MAB21L3: variants seen among roughly 807,000 people sequenced by gnomAD.
MAB21L3 encodes mab-21 like 3.
A neutral mutation model predicts 37.7 loss-of-function variants in MAB21L3; 36 were observed. That is an observed-to-expected ratio of 0.96 (90% CI 0.73 to 1.26). The LOEUF (loss-of-function observed/expected upper bound fraction) is 1.26. Ranked by LOEUF, MAB21L3 falls within the 50% of genes most tolerant of loss-of-function variation. The pLI, the probability that MAB21L3 is intolerant of heterozygous loss-of-function variation, is 0.00. For synonymous variants in MAB21L3, 186 were observed against 176.8 expected, an observed-to-expected ratio of 1.05 and a Z score of -0.41; for missense variants, 430 against 447.3, an observed-to-expected ratio of 0.96 and a Z score of 0.35.
intron 5 of MAB21L3, among the ~76,000 whole-genome samples, chr1:116,126,734 T>C (rs915206546): frequency 8.5e-5 from 13 of 152,216 alleles, no homozygotes; most frequent in African/African-American, 3.1e-4. Flanking sequence ...GAGAAGGATA[T>C]AGAAAAATAG....
chr1:116,112,659 A>G lies in MAB21L3; in HGVS notation c.44A>G (p.Asn15Ser). The G allele has an allele frequency of 6.2e-7, 1 of 1,614,004 alleles. No homozygotes were observed. The highest frequency in any genetic ancestry group is 8.5e-7 in the Non-Finnish European group (1 of 1,179,978). Residue 15 changes from asparagine to serine, a missense_variant, in exon 3 of 8, where the codon AAT (asparagine) becomes AGT (serine). Transcript: ENST00000369500. ...TVGDLEDCLL[N>S]KVDLRRQQIS... ...GGAGACTTAGAAGATTGCCTACTGA[A>G]TAAGGTAAGGACAGACCCGGTCTCT...
At chr1:116,127,721 A>G (rs755674615) in intron 6 of MAB21L3, 77 bp downstream of exon 6, 1 of 1,429,112 alleles carries the variant, frequency 7.0e-7, no homozygotes. Context: ...CTGACTGCCA[A>G]TGAGTTTCCG....
intron 4 of MAB21L3, among the ~76,000 whole-genome samples, chr1:116,123,267 T>C (rs1310154435): frequency 6.6e-6 from 1 of 152,190 alleles, no homozygotes; most frequent in East Asian, 1.9e-4. Context: ...AGGGGCTAGG[T>C]AAATTCTGAT....
chr1:116,128,467 T>A (rs1659973858), intron 7 of MAB21L3, 128 bp downstream of exon 7: 1 of 818,296 alleles, frequency 1.2e-6, no homozygotes, highest in Non-Finnish European at 1.8e-6. Flanking sequence ...CAGGATGAGG[T>A]TCTAGTATCT....
Position 116,121,002 on chromosome 1 carries a change from C to A in MAB21L3, c.119C>A (p.Thr40Lys). 1 of 1,614,166 alleles carries A rather than the reference C, an allele frequency of 6.2e-7. No individual in the cohort carries two copies. The highest frequency in any genetic ancestry group is 8.5e-7 in the Non-Finnish European group (1 of 1,180,024). Residue 40 changes from threonine (T) to lysine (K), a missense_variant, in exon 4 of 8, where the codon ACA (threonine) becomes AAA (lysine). By Grantham distance (78) the Thr-to-Lys change is moderately conservative. Transcript: ENST00000369500. The stretch of plus-strand genomic sequence containing the variant: ...CAGAAAGTCGTTCATCATTTGACCA[C>A]AAACATCAGCAACCAAGACATTAGA... ...EVQKVVHHLT[T>K]NISNQDIRFQ...
intron 3 of MAB21L3, among the ~76,000 whole-genome samples, chr1:116,118,293 A>G (rs1421866447): frequency 1.3e-5 from 2 of 152,102 alleles, no homozygotes; most frequent in African/African-American, 2.4e-5. Context: ...GAGGCAGGAC[A>G]ATCACTTGAA....
Position 116,135,670 on chromosome 1 carries a change from A to C in MAB21L3, c.*2305A>C, listed in dbSNP as rs1253055976. On this transcript the variant is annotated 3_prime_UTR_variant, in exon 8 of 8. Coordinates refer to ENST00000369500, the MANE Select transcript of MAB21L3 (RefSeq NM_152367.3). The stretch of plus-strand genomic sequence containing the variant: ...TGATACCAAAGCCGGGCAGAGACAC[A>C]ACTAAAAAAGAGAATTTTAGACCAA... Among the ~76,000 whole-genome samples the C allele has an allele frequency of 1.3e-5, 2 of 152,234 alleles. No individual in the cohort carries two copies. Among genetic ancestry groups the C allele is most frequent in the Non-Finnish European group, 2.9e-5 (2 of 68,054 alleles).
chr1:116,128,100 G>A (rs752683022), intron 6 of MAB21L3, 45 bp from the exon 7 acceptor site: 4 of 1,568,710 alleles, frequency 2.5e-6, no homozygotes, highest in South Asian at 1.2e-5. Flanking sequence ...CTACACCAGT[G>A]AGCATTGTTC....
chr1:116,113,582 C>T (rs761000962), intron 3 of MAB21L3, among the ~76,000 whole-genome samples: 28 of 152,282 alleles, frequency 1.8e-4, no homozygotes, highest in African/African-American at 5.8e-4. Context: ...TTCTACCCTC[C>T]GCTCCCCCTG....
Position 116,133,145 on chromosome 1 carries a change from G to T in MAB21L3, c.869G>T (p.Trp290Leu), listed in dbSNP as rs201473513. 2.5e-6 allele frequency: 4 copies of T among 1,614,058 alleles called. No homozygotes were observed. In the East Asian group the frequency reaches 8.9e-5, roughly 36 times the overall value. Residue 290 changes from tryptophan (W) to leucine (L), a missense_variant, in exon 8 of 8, where the codon TGG becomes TTG. Trp to Leu is a moderately conservative substitution (Grantham distance 61). Transcript: ENST00000369500. ...TSHHLQTVLF[W>L]TCEKYPHFKD... ...TCCCTTCCACAGACTGTGCTCTTTT[G>T]GACCTGCGAGAAATATCCCCACTTT...
Position 116,135,011 on chromosome 1 carries a change from T to C in MAB21L3, c.*1646T>C, listed in dbSNP as rs1251831978. 1 of 152,208 alleles carries C rather than the reference T, an allele frequency of 6.6e-6. No homozygotes were observed. The highest frequency in any genetic ancestry group is 2.4e-5 in the African/African-American group (1 of 41,440). The allele number at this position is 152,208 out of a possible 1,614,324, so 9.4% of individuals were successfully genotyped here. ...AATGAAAATGATTACTTTTCAAAAGTACTGTAAACGGCAGGAAAGATCCAA... is the reference window on the plus strand; with the variant it reads ...AATGAAAATGATTACTTTTCAAAAGCACTGTAAACGGCAGGAAAGATCCAA... On this transcript the variant is annotated 3_prime_UTR_variant, in exon 8 of 8. Coordinates refer to ENST00000369500, the MANE Select transcript of MAB21L3 (RefSeq NM_152367.3).
intron 4 of MAB21L3, among the ~76,000 whole-genome samples, chr1:116,122,513 A>T (rs1369190934): frequency 6.6e-6 from 1 of 152,188 alleles, no homozygotes; most frequent in Non-Finnish European, 1.5e-5. Flanking sequence ...TAGCATATAA[A>T]ATTGCTTTTA....
chr1:116,137,835 A>T lies in MAB21L3; in HGVS notation c.*4470A>T, dbSNP rs1422259197. On this transcript the variant is annotated 3_prime_UTR_variant, in exon 8 of 8. Coordinates refer to ENST00000369500, the MANE Select transcript of MAB21L3 (RefSeq NM_152367.3). The stretch of plus-strand genomic sequence containing the variant: ...CATGTCCTTTGTAGGGACATGGGTG[A>T]AATTGGAAATCATCATTCTCAGTAA... Among the ~76,000 whole-genome samples, 1 of 151,840 alleles carries T rather than the reference A, an allele frequency of 6.6e-6. No homozygotes were observed. Among genetic ancestry groups the T allele is most frequent in the African/African-American group, 2.4e-5 (1 of 41,274 alleles).
rs141948357 is a variant in MAB21L3, at chr1:116,117,160, TAC to T, written c.49-3770_49-3769del. ...ATTAACTCAGGAATCAAAATATACA[TAC>T]ATATATATATATATATATATATATA... On this transcript the variant is annotated intron_variant, in intron 3 of 7. Coordinates refer to ENST00000369500, the MANE Select transcript of MAB21L3 (RefSeq NM_152367.3). Among the ~76,000 whole-genome samples the T allele has an allele frequency of 3.1e-3, 311 of 101,400 alleles. 4 individuals are homozygous for T. Among genetic ancestry groups the T allele is most frequent in the Middle Eastern group, 0.015 (3 of 204 alleles). 66.5% of individuals were successfully genotyped at this position (101,400 alleles called of 152,430 possible).
At chr1:116,112,736 A>G in intron 3 of MAB21L3, 73 bp downstream of exon 3, 1 of 1,492,766 alleles carries the variant, frequency 6.7e-7, no homozygotes, top group Admixed American at 1.7e-5. Context: ...CTTCGTCCAG[A>G]AAGGATCTCA....
intron 3 of MAB21L3, among the ~76,000 whole-genome samples, chr1:116,114,654 G>C (rs1659520407): frequency 6.6e-6 from 1 of 152,212 alleles, no homozygotes; most frequent in Non-Finnish European, 1.5e-5. Flanking sequence ...CTAAATGAAA[G>C]AGAAATTTTG....
intron 5 of MAB21L3, 91 bp from the exon 6 acceptor site, chr1:116,127,375 G>A (rs758861534): frequency 4.6e-6 from 6 of 1,316,430 alleles, no homozygotes; most frequent in South Asian, 1.4e-5. Flanking sequence ...CAAGGTGCTG[G>A]TCAGAGCAAC....
Position 116,134,525 on chromosome 1 carries a change from T to C in MAB21L3, c.*1160T>C, listed in dbSNP as rs1447211458. ...CAAATAGCTGAAGGGGAAGGAAAAG[T>C]GACCAAAGGCAGGCATGGTGGGGCT... On this transcript the variant is annotated 3_prime_UTR_variant, in exon 8 of 8. Coordinates refer to ENST00000369500, the MANE Select transcript of MAB21L3 (RefSeq NM_152367.3). The C allele has an allele frequency of 2.6e-5, 4 of 152,270 alleles. No homozygotes were observed. Among genetic ancestry groups the C allele is most frequent in the Non-Finnish European group, 5.9e-5 (4 of 68,068 alleles). 9.4% of individuals were successfully genotyped at this position (152,270 alleles called of 1,614,324 possible).
chr1:116,120,977 C>A lies in MAB21L3; in HGVS notation c.94C>A (p.Gln32Lys), dbSNP rs778522067. 6.2e-6 allele frequency: 10 copies of A among 1,613,928 alleles called. No individual in the cohort carries two copies. In the Admixed American group the frequency reaches 1.3e-4, roughly 22 times the overall value. The change falls in exon 4 of 8, where the codon CAG becomes AAG. Residue 32 changes from glutamine (Q) to lysine (K), a missense_variant. By Grantham distance (53) the Gln-to-Lys change is moderately conservative. Coordinates refer to ENST00000369500, the MANE Select transcript of MAB21L3 (RefSeq NM_152367.3). ...GATTTCCCAGGCTGTGGAGGAGGTG[C>A]AGAAAGTCGTTCATCATTTGACCAC... ...QQISQAVEEV[Q>K]KVVHHLTTNI...
Sources: gnomAD v4.1 joint callset for allele counts (sites outside exome capture counted in the v4.1 genomes callset) on GRCh38, gnomAD v4.1.1 for gene constraint, MANE v1.5 for transcripts, NCBI Gene and HGNC (gene_info 2026-07-23, HGNC 2026-07-21) for gene names.